ZNF142: variants seen among roughly 807,000 people sequenced by gnomAD.
The protein encoded by ZNF142 is zinc finger protein 142.
ZNF142 carries 96 observed loss-of-function variants against 132.1 expected under a neutral mutation model. That is an observed-to-expected ratio of 0.73 (90% CI 0.62 to 0.86). The LOEUF is 0.86. ZNF142 is among the 40% of genes least tolerant of loss of function. The pLI is 0.00. For synonymous variants in ZNF142, 842 were observed against 890.1 expected, an observed-to-expected ratio of 0.95 and a Z score of 0.96; for missense variants, 2,163 against 2,336.2, an observed-to-expected ratio of 0.93 and a Z score of 1.53.
chr2:218,650,806 G>C (rs977882709), intron 5 of ZNF142, among the ~76,000 whole-genome samples: 5 of 152,166 alleles, frequency 3.3e-5, no homozygotes, highest in African/African-American at 1.2e-4. Context: ...GTCATAGGGG[G>C]CTGAAAGTAG....
rs1160496615 is a variant in ZNF142, at chr2:218,649,437, C to G, written c.1071G>C (p.Glu357Asp). Residue 357 changes from glutamate (E) to aspartate (D), a missense_variant, in exon 7 of 11, where the codon GAG (glutamate) becomes GAC (aspartate). By Grantham distance (45) the Glu-to-Asp change is conservative. Around this residue, in one of 7 missense-constraint regions of ZNF142, gnomAD observed 749 missense variants for 830.3 expected, o/e 0.90. Transcript: ENST00000411696. ...RLEGDVVSGT[E>D]SLFKTHMCPE... is the part of the protein sequence containing the mutation. ...GACACATATGGGTCTTGAAGAGGGA[C>G]TCGGTGCCAGAGACCACATCCCCTG... 1 of 1,603,220 alleles carries G rather than the reference C, an allele frequency of 6.2e-7. No homozygotes were observed. Among genetic ancestry groups the G allele is most frequent in the South Asian group, 1.1e-5 (1 of 89,744 alleles).
Position 218,644,206 on chromosome 2 carries a change from T to C in ZNF142, c.2910A>G (p.Pro970=). 1 of 1,614,082 alleles carries C rather than the reference T, an allele frequency of 6.2e-7. No homozygotes were observed. Among genetic ancestry groups the C allele is most frequent in the Non-Finnish European group, 8.5e-7 (1 of 1,179,994 alleles). Residue 970 remains proline (P), a synonymous_variant, in exon 9 of 11, where the codon CCA becomes CCG. Transcript: ENST00000411696. The surrounding 1 kb of genome is among the most constrained non-coding windows in gnomAD (Gnocchi z 4.6). ...AGTTGTTAGGAGCCTCCTCTAAGGATGGAGGATTTGTGGAGGGCTCAGACA... is the reference window on the plus strand; with the variant it reads ...AGTTGTTAGGAGCCTCCTCTAAGGACGGAGGATTTGTGGAGGGCTCAGACA... ...KPVSEPSTNP[P]SLEEAPNNWV...
Position 218,640,650 on chromosome 2 carries a change from CCA to C in ZNF142, c.5194+12_5194+13del, listed in dbSNP as rs756269169. On this transcript the variant is annotated intron_variant, in intron 10 of 10. Coordinates refer to ENST00000411696, the MANE Select transcript of ZNF142 (RefSeq NM_001379659.1). ...AAGGAACCCTTCAGGCCTGTCGAAA[CCA>C]CACAGACTCACCTGTATGCTTGGTC... The C allele has an allele frequency of 1.2e-6, 2 of 1,613,370 alleles. No homozygotes were observed. Among genetic ancestry groups the C allele is most frequent in the African/African-American group, 1.3e-5 (1 of 75,042 alleles).
Position 218,638,768 on chromosome 2 carries a change from G to T in ZNF142, c.5235C>A (p.Thr1745=). Residue 1745 remains threonine, a synonymous_variant, in exon 11 of 11, where the codon ACC becomes ACA. Coordinates refer to ENST00000411696, the MANE Select transcript of ZNF142 (RefSeq NM_001379659.1). Reference sequence around the variant, plus strand: ...GCACACGCAGTGCATCAGCCCGGTTGGTGCAGTACTCACACTCGGGACACT... The same window carrying T: ...GCACACGCAGTGCATCAGCCCGGTTTGTGCAGTACTCACACTCGGGACACT... ...PYQCPECEYC[T]NRADALRVHQ... is the part of the protein sequence containing the mutation. The T allele has an allele frequency of 6.2e-7, 1 of 1,608,640 alleles. No homozygotes were observed.
intron 10 of ZNF142, among the ~76,000 whole-genome samples, chr2:218,640,061 CAAA>C (rs35136548): frequency 2.9e-4 from 13 of 44,318 alleles, no homozygotes; most frequent in Admixed American, 8.8e-4. Context: ...GACTCTGTCT[CAAA>C]AAAAAAAAAA....
chr2:218,634,394 C>T lies in ZNF142; in HGVS notation c.*3945G>A. 2.5e-6 allele frequency: 4 copies of T among 1,580,390 alleles called. No individual in the cohort carries two copies. The highest frequency in any genetic ancestry group is 3.4e-6 in the Non-Finnish European group (4 of 1,162,338). Reference sequence around the variant, plus strand: ...ACCCAGTACCTATCTTCTTAACTCCCTGAAAGAGGGGCTGGAAGGCCTCCA... The same window carrying T: ...ACCCAGTACCTATCTTCTTAACTCCTTGAAAGAGGGGCTGGAAGGCCTCCA... On this transcript the variant is annotated 3_prime_UTR_variant, in exon 11 of 11. Transcript: ENST00000411696. The surrounding 1 kb of genome is among the most constrained non-coding windows in gnomAD (Gnocchi z 4.0).
At chr2:218,648,335 G>A (rs1244292972) in intron 7 of ZNF142, among the ~76,000 whole-genome samples, 1 of 152,230 alleles carries the variant, frequency 6.6e-6, no homozygotes, top group Non-Finnish European at 1.5e-5. Context: ...TTCAGGCTTG[G>A]TGTTAACCCA....
Position 218,649,253 on chromosome 2 carries a change from G to T in ZNF142, c.1255C>A (p.His419Asn). The part of the protein sequence containing the change: ...HLLRELGEKA[H>N]HCPLCHYSAV... ...CTGTAGTGGCACAGTGGGCAGTGGT[G>T]GGCCTTTTCACCCAGCTCCCGCAGC... is the stretch of plus-strand genomic sequence containing the variant. The change falls in exon 7 of 11, where the codon CAC becomes AAC. Residue 419 changes from histidine (H) to asparagine (N), a missense_variant. His to Asn is a moderately conservative substitution (Grantham distance 68). Coordinates refer to ENST00000411696, the MANE Select transcript of ZNF142 (RefSeq NM_001379659.1). 1 of 1,614,256 alleles carries T rather than the reference G, an allele frequency of 6.2e-7. No individual in the cohort carries two copies. The highest frequency in any genetic ancestry group is 8.5e-7 in the Non-Finnish European group (1 of 1,180,048).
rs967974953 is a variant in ZNF142 at position 218,644,666 on chromosome 2, G to T, written c.2450C>A (p.Ala817Asp). The T allele has an allele frequency of 6.2e-7, 1 of 1,614,096 alleles. No individual in the cohort carries two copies. Among genetic ancestry groups the T allele is most frequent in the African/African-American group, 1.3e-5 (1 of 74,928 alleles). ...TGGTGGGGGTGTTGGGCCCTGCATG[G>T]CCCCTTCTGGCTCCTGGCTTGCATA... ...LRYASQEPEG[A>D]MQGPTPPPDS... The change falls in exon 9 of 11, where the codon GCC becomes GAC. Residue 817 changes from alanine (A) to aspartate (D), a missense_variant. Ala to Asp is a moderately radical substitution (Grantham distance 126, BLOSUM62 -2). Transcript: ENST00000411696. This position sits in a 1 kb window ranked among gnomAD's most constrained non-coding sequence, Gnocchi z 4.6.
At chr2:218,652,413 A>G (rs1938093984) in intron 4 of ZNF142, 113 bp from the exon 5 acceptor site, 2 of 413,148 alleles carry the variant, frequency 4.8e-6, no homozygotes, top group Admixed American at 2.6e-5. Flanking sequence ...TAGAGTACAG[A>G]TGGACTTTAA....
rs1212905442 is a variant in ZNF142 at position 218,649,416 on chromosome 2, C to T, written c.1092G>A (p.Met364Ile). Residue 364 changes from methionine to isoleucine, a missense_variant, in exon 7 of 11, where the codon ATG becomes ATA. Met to Ile is a conservative substitution (Grantham distance 10, BLOSUM62 1). Around this residue, in one of 7 missense-constraint regions of ZNF142, gnomAD observed 749 missense variants for 830.3 expected, o/e 0.90. Transcript: ENST00000411696. Reference sequence around the variant, plus strand: ...TAAAGCAGCGCTTACACTCTGGACACATATGGGTCTTGAAGAGGGACTCGG... The same window carrying T: ...TAAAGCAGCGCTTACACTCTGGACATATATGGGTCTTGAAGAGGGACTCGG... The part of the protein sequence containing the change: ...SGTESLFKTH[M>I]CPECKRCFKK... The T allele has an allele frequency of 3.7e-6, 6 of 1,611,978 alleles. No individual in the cohort carries two copies. The highest frequency in any genetic ancestry group is 5.1e-6 in the Non-Finnish European group (6 of 1,178,970).
rs887039949 is a variant in ZNF142 at position 218,636,945 on chromosome 2, T to C, written c.*1394A>G. 6.5e-6 allele frequency: 3 copies of C among 459,280 alleles called. No individual in the cohort carries two copies. The Admixed American group carries it at 7.1e-5, about 11-fold the overall frequency. The allele number at this position is 459,280 out of a possible 1,614,324, so 28.5% of individuals were successfully genotyped here. ...TTGCAACTAGAAATTCAGAGGGGCT[T>C]GGAATAGAGAAACCTAAAGAAGCAT... On this transcript the variant is annotated 3_prime_UTR_variant, in exon 11 of 11. Coordinates refer to ENST00000411696, the MANE Select transcript of ZNF142 (RefSeq NM_001379659.1).
intron 8 of ZNF142, among the ~76,000 whole-genome samples, 200 bp downstream of exon 8, chr2:218,645,971 T>C (rs985737148): frequency 7.9e-5 from 12 of 152,152 alleles, no homozygotes; most frequent in African/African-American, 2.7e-4. Flanking sequence ...CCAGATGGCC[T>C]TGAACTCCCA....
intron 5 of ZNF142, among the ~76,000 whole-genome samples, chr2:218,651,464 A>C (rs1275247343): frequency 6.6e-6 from 1 of 152,266 alleles, no homozygotes; most frequent in Admixed American, 6.5e-5. Context: ...TTCAGGCCAC[A>C]CGTAGCCTAA....
At chr2:218,656,540 C>G (rs939014650) in intron 3 of ZNF142, 77 bp from the exon 4 acceptor site, 2 of 1,073,454 alleles carry the variant, frequency 1.9e-6, no homozygotes, top group African/African-American at 3.2e-5. Context: ...GGTACACAGC[C>G]CAGTGCCCAC....
In ZNF142 at chr2:218,636,369, T is replaced by C; in HGVS notation, c.*1970A>G. On this transcript the variant is annotated 3_prime_UTR_variant, in exon 11 of 11. Coordinates refer to ENST00000411696, the MANE Select transcript of ZNF142 (RefSeq NM_001379659.1). ...AATGACTTTATTGGTCAGTACACCC[T>C]GCCTTGGACCTGCATGCAACAAGGT... 1 of 1,614,058 alleles carries C rather than the reference T, an allele frequency of 6.2e-7. No homozygotes were observed. Among genetic ancestry groups the C allele is most frequent in the Non-Finnish European group, 8.5e-7 (1 of 1,179,904 alleles).
Position 218,643,175 on chromosome 2 carries a change from T to C in ZNF142, c.3941A>G (p.Gln1314Arg). Residue 1314 changes from glutamine to arginine, a missense_variant, in exon 9 of 11, where the codon CAG becomes CGG. Transcript: ENST00000411696. Reference sequence around the variant, plus strand: ...GTGAGTCCTCAGAGCCCGTTCCTGCTGGCAGCTAAAGGGACATGTAGGGCA... The same window carrying C: ...GTGAGTCCTCAGAGCCCGTTCCTGCCGGCAGCTAAAGGGACATGTAGGGCA... ...FSCPTCPFSCQQERALRTHQI... is the reference protein window; with the variant it reads ...FSCPTCPFSCRQERALRTHQI... 2 of 1,614,248 alleles carry C rather than the reference T, an allele frequency of 1.2e-6. No individual in the cohort carries two copies. Among genetic ancestry groups the C allele is most frequent in the Non-Finnish European group, 1.7e-6 (2 of 1,180,038 alleles).
chr2:218,649,603 C>T (rs1937792870), intron 6 of ZNF142, 144 bp from the exon 7 acceptor site: 1 of 808,968 alleles, frequency 1.2e-6, no homozygotes, highest in Non-Finnish European at 1.9e-6. Context: ...ATACTGTAGT[C>T]TCAAAAAAGG....
At chr2:218,657,491 C>T (rs1013869619) in intron 3 of ZNF142, among the ~76,000 whole-genome samples, 5 of 152,070 alleles carry the variant, frequency 3.3e-5, no homozygotes, top group African/African-American at 1.2e-4. Context: ...GGCAGTGGCA[C>T]GATCTCAGCT....
Sources: allele counts gnomAD v4.1 joint callset (sites outside exome capture counted in the v4.1 genomes callset), GRCh38; gene constraint gnomAD v4.1.1; regional missense constraint gnomAD v4.1.1; non-coding constraint Gnocchi (gnomAD v3.1); transcripts MANE v1.5; gene names NCBI Gene and HGNC (gene_info 2026-07-23, HGNC 2026-07-21).